The following SLC2A13 variants were observed in gnomAD, a reference collection of about 807,000 sequenced individuals.
The protein encoded by SLC2A13 is proton myo-inositol cotransporter.
Under a neutral mutation model 64.4 loss-of-function variants are expected in SLC2A13, and 32 were observed. The observed-to-expected ratio is 0.50, with a 90% confidence interval of 0.37 to 0.67. The LOEUF is 0.67. SLC2A13 is among the 30% of genes least tolerant of loss of function. SLC2A13 has a pLI of 0.00. For synonymous variants in SLC2A13, 338 were observed against 327.1 expected, an observed-to-expected ratio of 1.03 and a Z score of -0.36; for missense variants, 743 against 829.2, an observed-to-expected ratio of 0.90 and a Z score of 1.28.
At chr12:39,877,372 CTT>C (rs1365334923) in intron 4 of SLC2A13, among the ~76,000 whole-genome samples, 1 of 152,050 alleles carries the variant, frequency 6.6e-6, no homozygotes, top group South Asian at 2.1e-4. Flanking sequence ...AGACTTACTC[CTT>C]ATCACAAGAA....
intron 4 of SLC2A13, among the ~76,000 whole-genome samples, chr12:39,938,909 C>T (rs1945969449): frequency 6.6e-6 from 1 of 152,152 alleles, no homozygotes; most frequent in Non-Finnish European, 1.5e-5. Context: ...GCTCAACTTT[C>T]TTTGTCTCTC....
At chr12:39,980,587 A>G (rs965791969) in intron 3 of SLC2A13, among the ~76,000 whole-genome samples, 3 of 151,626 alleles carry the variant, frequency 2.0e-5, no homozygotes, top group African/African-American at 7.3e-5. Context: ...AGGCCATTAC[A>G]TAATGGTAAA....
At chr12:39,984,184 T>A (rs1426885842) in intron 3 of SLC2A13, among the ~76,000 whole-genome samples, 1 of 68,596 alleles carries the variant, frequency 1.5e-5, no homozygotes, top group East Asian at 3.8e-4. Flanking sequence ...TGTGGTGGGG[T>A]GGGGGCAGGG....
chr12:40,089,348 A>T (rs999296581), intron 1 of SLC2A13, among the ~76,000 whole-genome samples: 3 of 152,224 alleles, frequency 2.0e-5, no homozygotes, highest in African/African-American at 7.2e-5. Context: ...GCCAACCAAC[A>T]TCTACTGAAC....
At chr12:39,864,222 C>T (rs1289393812) in intron 6 of SLC2A13, among the ~76,000 whole-genome samples, 1 of 152,186 alleles carries the variant, frequency 6.6e-6, no homozygotes, top group African/African-American at 2.4e-5. Context: ...CTGCAGCTAG[C>T]CATTAGAACA....
intron 3 of SLC2A13, among the ~76,000 whole-genome samples, chr12:40,005,286 G>A (rs1388341426): frequency 1.3e-5 from 2 of 152,162 alleles, no homozygotes; most frequent in African/African-American, 2.4e-5. Flanking sequence ...AGGGAAGAAT[G>A]AAGTTCATTT....
chr12:39,909,892 A>G (rs1297485835), intron 4 of SLC2A13, among the ~76,000 whole-genome samples: 2 of 151,264 alleles, frequency 1.3e-5, no homozygotes, highest in East Asian at 1.9e-4. Context: ...TAAATAACAT[A>G]GAGTGTGCCT....
At chr12:39,851,599 G>A (rs1943470877) in intron 6 of SLC2A13, among the ~76,000 whole-genome samples, 2 of 152,116 alleles carry the variant, frequency 1.3e-5, no homozygotes, top group African/African-American at 4.8e-5. Flanking sequence ...TAAATGCCAA[G>A]GAGTAATAGG....
At chr12:39,891,115 T>C (rs541952591) in intron 4 of SLC2A13, among the ~76,000 whole-genome samples, 1 of 123,622 alleles carries the variant, frequency 8.1e-6, no homozygotes, top group Non-Finnish European at 1.8e-5. Context: ...AAGTTTCAAA[T>C]ATACCTTTTT....
chr12:40,047,246 TA>T (rs1948185329), intron 2 of SLC2A13, among the ~76,000 whole-genome samples: 1 of 152,168 alleles, frequency 6.6e-6, no homozygotes, highest in South Asian at 2.1e-4. Flanking sequence ...ATCAACACTG[TA>T]AAAGCCATGC....
chr12:39,945,525 T>G (rs1485624306), intron 4 of SLC2A13, among the ~76,000 whole-genome samples: 3 of 152,074 alleles, frequency 2.0e-5, no homozygotes, highest in Non-Finnish European at 4.4e-5. Context: ...ATCCCAGACT[T>G]CTTATAGGCT....
At chr12:39,906,843 T>TGAAG in intron 4 of SLC2A13, among the ~76,000 whole-genome samples, 1 of 152,220 alleles carries the variant, frequency 6.6e-6, no homozygotes, top group South Asian at 2.1e-4. Flanking sequence ...CAATATCCCT[T>TGAAG]GAAGTATGAA....
intron 3 of SLC2A13, among the ~76,000 whole-genome samples, chr12:40,019,239 A>C (rs1947672488): frequency 6.6e-6 from 1 of 152,240 alleles, no homozygotes; most frequent in Non-Finnish European, 1.5e-5. Context: ...CTGATTTTGA[A>C]GTTCATTGGC....
chr12:39,876,761 G>A (rs192034751), intron 4 of SLC2A13, among the ~76,000 whole-genome samples: 1 of 152,108 alleles, frequency 6.6e-6, no homozygotes, highest in East Asian at 1.9e-4. Context: ...TCTGGCATGG[G>A]ACTATAAAGA....
chr12:39,878,074 G>A (rs573344743), intron 4 of SLC2A13, among the ~76,000 whole-genome samples: 2 of 152,126 alleles, frequency 1.3e-5, no homozygotes, highest in Non-Finnish European at 2.9e-5. Context: ...GGCTTCCTAA[G>A]GCCTCCCAAG....
At chr12:40,059,563 G>A (rs1444569275) in intron 1 of SLC2A13, among the ~76,000 whole-genome samples, 1 of 152,128 alleles carries the variant, frequency 6.6e-6, no homozygotes, top group African/African-American at 2.4e-5. Context: ...ATATGATGAA[G>A]GATATAGATG....
At chr12:39,768,670 C>T (rs1053446035) in intron 7 of SLC2A13, among the ~76,000 whole-genome samples, 4 of 151,914 alleles carry the variant, frequency 2.6e-5, no homozygotes, top group South Asian at 2.1e-4. Flanking sequence ...TTAAGTTTGA[C>T]GTCTTATACG....
At chr12:39,839,568 A>G (rs1244992981) in intron 6 of SLC2A13, among the ~76,000 whole-genome samples, 4 of 151,634 alleles carry the variant, frequency 2.6e-5, no homozygotes, top group Non-Finnish European at 5.9e-5. Context: ...TTTTCTAAAA[A>G]TTTTCCCTCT....
At chr12:39,789,685 C>A (rs1323060030) in intron 7 of SLC2A13, among the ~76,000 whole-genome samples, 1 of 152,132 alleles carries the variant, frequency 6.6e-6, no homozygotes, top group African/African-American at 2.4e-5. Flanking sequence ...AGACAGAGAA[C>A]TCTATACTAC....
Sources: allele counts gnomAD v4.1 joint callset (sites outside exome capture counted in the v4.1 genomes callset), GRCh38; gene constraint gnomAD v4.1.1; transcripts MANE v1.5; gene names NCBI Gene and HGNC (gene_info 2026-07-23, HGNC 2026-07-21).